The following TMEM63C variants were observed in gnomAD, a reference collection of about 807,000 sequenced individuals.
The protein encoded by TMEM63C is transmembrane protein 63C.
Under a neutral mutation model 99.2 loss-of-function variants are expected in TMEM63C, and 32 were observed. The ratio of observed to expected loss-of-function variants is 0.32; its 90% CI spans 0.24 to 0.43. The LOEUF (loss-of-function observed/expected upper bound fraction) is 0.43, where lower values mean the gene tolerates loss of function less well. Ranked by LOEUF, TMEM63C falls within the 20% of genes least tolerant of loss-of-function variation. The pLI is 1.00. For missense variants in TMEM63C, 826 were observed against 1,053.0 expected, an observed-to-expected ratio of 0.78 and a Z score of 2.98; for synonymous variants, 376 against 397.9, an observed-to-expected ratio of 0.94 and a Z score of 0.66.
intron 23 of TMEM63C, 150 bp from the exon 24 acceptor site, chr14:77,256,376 A>T: frequency 1.3e-6 from 1 of 747,318 alleles, no homozygotes; most frequent in Admixed American, 2.4e-5. Flanking sequence ...TGGGTGGGAC[A>T]GACAGGACCC....
intron 1 of TMEM63C, among the ~76,000 whole-genome samples, chr14:77,205,804 G>A (rs1411761385): frequency 6.6e-6 from 1 of 152,204 alleles, no homozygotes; most frequent in African/African-American, 2.4e-5. Context: ...CAGGAGCAGA[G>A]AGCTCAGATG....
At chr14:77,233,629 G>A (rs552071319) in intron 8 of TMEM63C, 129 bp downstream of exon 8, 21 of 964,270 alleles carry the variant, frequency 2.2e-5, no homozygotes, top group Non-Finnish European at 2.7e-5. Context: ...CCTGGGAATC[G>A]GGTCCTGAGT....
chr14:77,220,090 G>T lies in TMEM63C; in HGVS notation c.312+3G>T. On this transcript the variant is annotated splice_donor_region_variant and intron_variant, in intron 5 of 23. Transcript: ENST00000298351. ...TGGAGATGGAACGCAGAGACAAGGTGAGTGCTGGGAGCGGTCTGGGCGGTG... is the reference window on the plus strand; with the variant it reads ...TGGAGATGGAACGCAGAGACAAGGTTAGTGCTGGGAGCGGTCTGGGCGGTG... 1 of 1,555,666 alleles carries T rather than the reference G, an allele frequency of 6.4e-7. No homozygotes were observed. The highest frequency in any genetic ancestry group is 8.7e-7 in the Non-Finnish European group (1 of 1,149,634).
intron 5 of TMEM63C, 84 bp from the exon 6 acceptor site, chr14:77,225,340 A>G: frequency 2.9e-6 from 4 of 1,392,160 alleles, no homozygotes; most frequent in Middle Eastern, 1.8e-4. Flanking sequence ...GCTGCCTCAG[A>G]TGACCTGGCC....
intron 17 of TMEM63C, 107 bp from the exon 18 acceptor site, chr14:77,246,502 T>A (rs971003735): frequency 5.2e-6 from 5 of 964,660 alleles, no homozygotes; most frequent in Admixed American, 4.1e-5. Context: ...CCAGCTGGAA[T>A]AAAGCAAGGG....
chr14:77,221,811 A>G (rs1888728872), intron 5 of TMEM63C, among the ~76,000 whole-genome samples: 1 of 150,894 alleles, frequency 6.6e-6, no homozygotes, highest in Admixed American at 6.6e-5. Flanking sequence ...CTCAGTTCAC[A>G]TCTTGCCTGC....
chr14:77,245,636 C>T (rs556791307), intron 16 of TMEM63C, among the ~76,000 whole-genome samples: 5 of 152,280 alleles, frequency 3.3e-5, no homozygotes, highest in East Asian at 1.9e-4. Flanking sequence ...TCACATGTTA[C>T]GTGGATGGCA....
intron 5 of TMEM63C, among the ~76,000 whole-genome samples, chr14:77,224,578 C>T (rs538640108): frequency 8.5e-5 from 13 of 152,226 alleles, no homozygotes; most frequent in South Asian, 2.1e-4. Context: ...CCCTCTCTTA[C>T]ACACCGTTCC....
chr14:77,220,393 T>C (rs1888669794), intron 5 of TMEM63C, among the ~76,000 whole-genome samples: 1 of 152,190 alleles, frequency 6.6e-6, no homozygotes, highest in African/African-American at 2.4e-5. Flanking sequence ...CTTCTCACAG[T>C]CCCGTCCTGC....
At chr14:77,187,699 CCCTGAT>C (rs1888027420) in intron 1 of TMEM63C, among the ~76,000 whole-genome samples, 1 of 152,210 alleles carries the variant, frequency 6.6e-6, no homozygotes, top group South Asian at 2.1e-4. Context: ...ACCATCGCAG[CCCTGAT>C]CTGTTCCCAG....
intron 1 of TMEM63C, among the ~76,000 whole-genome samples, chr14:77,203,729 T>C (rs550983961): frequency 6.6e-6 from 1 of 152,376 alleles, no homozygotes; most frequent in South Asian, 2.1e-4. Context: ...GGTGGCTCTA[T>C]CTAGACAGTA....
At chr14:77,200,987 T>G (rs1040835600) in intron 1 of TMEM63C, 4 of 146,544 alleles carry the variant, frequency 2.7e-5, no homozygotes, top group Admixed American at 2.7e-4. Context: ...GTCTTTTTTT[T>G]TTTTTTTTTT....
In TMEM63C at chr14:77,185,329, G is replaced by T. The variant is rs565288015; in HGVS notation, c.-77+3435G>T. On this transcript the variant is annotated intron_variant, in intron 1 of 23. Coordinates refer to ENST00000298351, the MANE Select transcript of TMEM63C (RefSeq NM_020431.4). ...TGGTGTCCTTAGAGGATCAGAGGCA[G>T]AAAGATCAGCTTCCAACAGGAAACC... is the stretch of plus-strand genomic sequence containing the variant. 2.0e-5 allele frequency among the ~76,000 whole-genome samples: 3 copies of T among 152,194 alleles called. No individual in the cohort carries two copies. In the South Asian group the frequency reaches 6.2e-4, roughly 32 times the overall value.
intron 19 of TMEM63C, 115 bp downstream of exon 19, chr14:77,248,624 T>G (rs1594869689): frequency 6.7e-7 from 1 of 1,499,886 alleles, no homozygotes; most frequent in Non-Finnish European, 9.1e-7. Flanking sequence ...TGTGGATGGG[T>G]GTTGGTGGGG....
chr14:77,248,831 T>C lies in TMEM63C; in HGVS notation c.1829T>C (p.Val610Ala). ...TGGATGATGAACGTGTTCAGCGTGG[T>C]GATGGCGTACAGCATCACTTGCCCC... ...YAWMMNVFSVVMAYSITCPII... is the reference protein window; with the variant it reads ...YAWMMNVFSVAMAYSITCPII... Residue 610 changes from valine to alanine, a missense_variant, in exon 20 of 24, where the codon GTG becomes GCG. Val to Ala is a moderately conservative substitution (Grantham distance 64). Coordinates refer to ENST00000298351, the MANE Select transcript of TMEM63C (RefSeq NM_020431.4). 1 of 1,614,052 alleles carries C rather than the reference T, an allele frequency of 6.2e-7. No homozygotes were observed. Among genetic ancestry groups the C allele is most frequent in the Non-Finnish European group, 8.5e-7 (1 of 1,179,898 alleles).
At chr14:77,251,582 T>C in intron 21 of TMEM63C, 1 of 578,400 alleles carries the variant, frequency 1.7e-6, no homozygotes, top group South Asian at 2.0e-5. Flanking sequence ...TTAAAACATT[T>C]TTTCATGGAC....
chr14:77,230,028 C>T (rs562539684), intron 6 of TMEM63C, among the ~76,000 whole-genome samples: 3 of 151,916 alleles, frequency 2.0e-5, no homozygotes, highest in Middle Eastern at 3.4e-3. Context: ...GGTGAAACCC[C>T]GTCTCTACTA....
intron 5 of TMEM63C, among the ~76,000 whole-genome samples, chr14:77,222,099 C>G: frequency 6.6e-6 from 1 of 152,170 alleles, no homozygotes; most frequent in East Asian, 1.9e-4. Flanking sequence ...CCAGCTAATC[C>G]TCTCCCACTG....
intron 1 of TMEM63C, among the ~76,000 whole-genome samples, chr14:77,202,980 A>T (rs1023701873): frequency 1.3e-5 from 2 of 152,224 alleles, no homozygotes; most frequent in African/African-American, 2.4e-5. Flanking sequence ...TGAGAAGCCC[A>T]CATCCTTATT....
Sources: allele counts gnomAD v4.1 joint callset (sites outside exome capture counted in the v4.1 genomes callset), GRCh38; gene constraint gnomAD v4.1.1; transcripts MANE v1.5; gene names NCBI Gene and HGNC (gene_info 2026-07-23, HGNC 2026-07-21).